Variants in RHOBTB3 observed in about 807,000 individuals in gnomAD.
The protein encoded by RHOBTB3 is rho-related BTB domain-containing protein 3.
In RHOBTB3, 47 loss-of-function variants were observed where a neutral mutation model predicts 67.2. The ratio of observed to expected loss-of-function variants is 0.70; its 90% CI spans 0.55 to 0.89. RHOBTB3 has a LOEUF of 0.89. Among genes scored for constraint, RHOBTB3 ranks in the 40% least tolerant of loss-of-function variants. The probability of loss-of-function intolerance (pLI) is 0.00; values close to 1 mark genes in which losing one functional copy is unlikely to be tolerated. For synonymous variants in RHOBTB3, 273 were observed against 274.2 expected, an observed-to-expected ratio of 1.00 and a Z score of 0.04; for missense variants, 631 against 750.0, an observed-to-expected ratio of 0.84 and a Z score of 1.85.
At chr5:95,753,297 T>TA (rs1745147885) in intron 5 of RHOBTB3, among the ~76,000 whole-genome samples, 1 of 150,992 alleles carries the variant, frequency 6.6e-6, no homozygotes, top group African/African-American at 2.4e-5. Flanking sequence ...AAGGGGAAAA[T>TA]AAAAAATGTT....
intron 11 of RHOBTB3, among the ~76,000 whole-genome samples, chr5:95,789,838 C>T (rs964318727): frequency 6.6e-6 from 1 of 152,202 alleles, no homozygotes; most frequent in Non-Finnish European, 1.5e-5. Flanking sequence ...GTAAAAAAGA[C>T]TCTGCTGGTA....
intron 2 of RHOBTB3, among the ~76,000 whole-genome samples, chr5:95,735,758 T>C (rs1007559463): frequency 1.3e-5 from 2 of 152,202 alleles, no homozygotes; most frequent in Non-Finnish European, 2.9e-5. Context: ...TACCTAAAGA[T>C]ATTTTCCTTA....
chr5:95,736,879 T>C lies in RHOBTB3; in HGVS notation c.229-10T>C. Reference sequence around the variant, plus strand: ...GTAGACTAAAGATTGCTATTTGCATTTTGGTTTAGGACATATTTGACAGTG... The same window carrying C: ...GTAGACTAAAGATTGCTATTTGCATCTTGGTTTAGGACATATTTGACAGTG... On this transcript the variant is annotated splice_polypyrimidine_tract_variant and intron_variant, in intron 2 of 11. Coordinates refer to ENST00000379982, the MANE Select transcript of RHOBTB3 (RefSeq NM_014899.4). The C allele has an allele frequency of 6.5e-7, 1 of 1,550,236 alleles. No individual in the cohort carries two copies.
chr5:95,773,776 C>T (rs1206102005), intron 8 of RHOBTB3, among the ~76,000 whole-genome samples: 2 of 152,006 alleles, frequency 1.3e-5, no homozygotes, highest in East Asian at 3.9e-4. Flanking sequence ...AATATGTGAC[C>T]ACCAGCCCAC....
intron 8 of RHOBTB3, chr5:95,769,363 T>C: frequency 4.6e-6 from 2 of 432,600 alleles, no homozygotes; most frequent in Non-Finnish European, 9.1e-6. Context: ...GTACTTGCAC[T>C]CCCTATGGTC....
intron 2 of RHOBTB3, chr5:95,732,317 C>T (rs1046453890): frequency 1.2e-5 from 7 of 605,350 alleles, no homozygotes; most frequent in African/African-American, 3.7e-5. Flanking sequence ...GGAGCACTTA[C>T]TGGTACACTT....
intron 8 of RHOBTB3, among the ~76,000 whole-genome samples, chr5:95,773,316 C>T (rs1221267315): frequency 3.9e-5 from 6 of 152,252 alleles, no homozygotes; most frequent in African/African-American, 1.4e-4. Context: ...TGGTGCTCTT[C>T]ATTGCTTCCC....
At position 95,784,106 on chromosome 5, in the gene RHOBTB3, C is replaced by T. The variant is rs1209537154; in HGVS notation, c.1623+143C>T. The T allele has an allele frequency of 8.0e-6, 5 of 625,480 alleles. No individual in the cohort carries two copies. In the East Asian group the frequency reaches 1.2e-4, roughly 15 times the overall value. 38.7% of individuals were successfully genotyped at this position (625,480 alleles called of 1,614,324 possible). On this transcript the variant is annotated intron_variant, in intron 10 of 11. Coordinates refer to ENST00000379982, the MANE Select transcript of RHOBTB3 (RefSeq NM_014899.4). Reference sequence around the variant, plus strand: ...GGCTAATGAGGCTAAAGTGCCTTCACAACAGTTTATCTGGCTAGATAATTT... The same window carrying T: ...GGCTAATGAGGCTAAAGTGCCTTCATAACAGTTTATCTGGCTAGATAATTT...
At chr5:95,789,928 G>A (rs911015605) in intron 11 of RHOBTB3, among the ~76,000 whole-genome samples, 2 of 152,214 alleles carry the variant, frequency 1.3e-5, no homozygotes, top group Non-Finnish European at 2.9e-5. Context: ...TGAGGCTGAA[G>A]GATCACTTGA....
At chr5:95,773,120 AAT>A (rs1745766417) in intron 8 of RHOBTB3, among the ~76,000 whole-genome samples, 1 of 152,254 alleles carries the variant, frequency 6.6e-6, no homozygotes, top group Non-Finnish European at 1.5e-5. Flanking sequence ...AGCACATGAA[AAT>A]ATATGTCATA....
intron 3 of RHOBTB3, among the ~76,000 whole-genome samples, chr5:95,744,609 T>TGTAATTACAAA (rs1301340900): frequency 3.9e-5 from 6 of 152,176 alleles, no homozygotes; most frequent in African/African-American, 1.2e-4. Flanking sequence ...CCATACAAGA[T>TGTAATTACAAA]GTAATTACAA....
At chr5:95,762,735 A>T (rs1186453641) in intron 6 of RHOBTB3, among the ~76,000 whole-genome samples, 1 of 152,170 alleles carries the variant, frequency 6.6e-6, no homozygotes, top group Non-Finnish European at 1.5e-5. Flanking sequence ...GATGGATTTG[A>T]TGGGGAAAAG....
chr5:95,786,466 C>G (rs1350733686), intron 10 of RHOBTB3, among the ~76,000 whole-genome samples: 1 of 152,152 alleles, frequency 6.6e-6, no homozygotes, highest in African/African-American at 2.4e-5. Context: ...AGTTCTTTAC[C>G]ATGATTTACC....
At chr5:95,736,760 C>T in intron 2 of RHOBTB3, 129 bp from the exon 3 acceptor site, 1 of 618,734 alleles carries the variant, frequency 1.6e-6, no homozygotes, top group African/African-American at 1.9e-5. Context: ...GACTGCAACA[C>T]TTTTAATTTC....
intron 1 of RHOBTB3, among the ~76,000 whole-genome samples, chr5:95,722,495 G>T (rs962447370): frequency 6.6e-6 from 1 of 151,956 alleles, no homozygotes; most frequent in South Asian, 2.1e-4. Flanking sequence ...TAATGTAAAA[G>T]AGGTTTTTTT....
chr5:95,774,415 T>C (rs997787856), intron 8 of RHOBTB3, among the ~76,000 whole-genome samples: 1 of 152,336 alleles, frequency 6.6e-6, no homozygotes, highest in Admixed American at 6.5e-5. Flanking sequence ...TCTTAAGCAC[T>C]TTACACTGGA....
At chr5:95,793,013 C>T (rs1746460803) in intron 11 of RHOBTB3, 46 bp from the exon 12 acceptor site, 1 of 1,278,276 alleles carries the variant, frequency 7.8e-7, no homozygotes, top group East Asian at 2.3e-5. Flanking sequence ...TTAATTGATC[C>T]ATAATAAAAC....
At chr5:95,749,064 T>G (rs1745011163) in intron 4 of RHOBTB3, among the ~76,000 whole-genome samples, 1 of 152,224 alleles carries the variant, frequency 6.6e-6, no homozygotes, top group South Asian at 2.1e-4. Context: ...GATGCTGATG[T>G]TAACACATAG....
chr5:95,733,191 T>G (rs1755349734), intron 2 of RHOBTB3, among the ~76,000 whole-genome samples: 1 of 152,142 alleles, frequency 6.6e-6, no homozygotes, highest in South Asian at 2.1e-4. Context: ...TTTGGTAAAA[T>G]AAAAAACAGG....
Sources: gnomAD v4.1 joint callset for allele counts (sites outside exome capture counted in the v4.1 genomes callset) on GRCh38, gnomAD v4.1.1 for gene constraint, MANE v1.5 for transcripts, NCBI Gene and HGNC (gene_info 2026-07-23, HGNC 2026-07-21) for gene names.